Variants in MOSMO observed in about 807,000 individuals in gnomAD.
The protein encoded by MOSMO is modulator of smoothened, also known as modulator of smoothened protein.
MOSMO carries 5 observed loss-of-function variants against 18.4 expected under a neutral mutation model. The observed-to-expected ratio is 0.27, with a 90% confidence interval of 0.14 to 0.57. MOSMO has a LOEUF of 0.57. MOSMO is among the 20% of genes least tolerant of loss of function. The probability of loss-of-function intolerance (pLI) is 0.92; values close to 1 mark genes in which losing one functional copy is unlikely to be tolerated. For synonymous variants in MOSMO, 82 were observed against 82.3 expected, an observed-to-expected ratio of 1.00 and a Z score of 0.02; for missense variants, 138 against 211.8, an observed-to-expected ratio of 0.65 and a Z score of 2.16.
At chr16:22,019,278 CT>C (rs913226913) in intron 1 of MOSMO, among the ~76,000 whole-genome samples, 1 of 152,196 alleles carries the variant, frequency 6.6e-6, no homozygotes, top group African/African-American at 2.4e-5. Context: ...TCTAGCCCCT[CT>C]GTATTACTTT....
chr16:22,029,327 G>A lies in MOSMO; in HGVS notation c.106+20920G>A, dbSNP rs529760789. Reference sequence around the variant, plus strand: ...ATAGGGTTGCCTGTAGTTATTTCTTGAGTTGCCATTTAGAGTCTTCTGGCC... The same window carrying A: ...ATAGGGTTGCCTGTAGTTATTTCTTAAGTTGCCATTTAGAGTCTTCTGGCC... On this transcript the variant is annotated intron_variant, in intron 1 of 2. Transcript: ENST00000542527. Among the ~76,000 whole-genome samples, 6 of 152,266 alleles carry A rather than the reference G, an allele frequency of 3.9e-5. No homozygotes were observed. The South Asian group carries it at 1.2e-3, about 32-fold the overall frequency.
chr16:22,012,477 G>A (rs1008905188), intron 1 of MOSMO, among the ~76,000 whole-genome samples: 1 of 152,172 alleles, frequency 6.6e-6, no homozygotes, highest in Non-Finnish European at 1.5e-5. Flanking sequence ...TTATATTGCT[G>A]TTCTAGTTTA....
intron 1 of MOSMO, among the ~76,000 whole-genome samples, chr16:22,036,468 G>A (rs1900111276): frequency 6.6e-6 from 1 of 152,006 alleles, no homozygotes; most frequent in Admixed American, 6.6e-5. Context: ...TTTTTTTAGA[G>A]GCAGGGTCCT....
intron 1 of MOSMO, among the ~76,000 whole-genome samples, chr16:22,013,654 A>G (rs1899578538): frequency 1.3e-5 from 2 of 152,088 alleles, no homozygotes; most frequent in Admixed American, 6.6e-5. Context: ...TAATCATCCT[A>G]GATAGATTTG....
At chr16:22,062,316 CTT>C (rs987903159) in intron 1 of MOSMO, among the ~76,000 whole-genome samples, 1 of 151,094 alleles carries the variant, frequency 6.6e-6, no homozygotes, top group African/African-American at 2.4e-5. Context: ...TCTTTTTTTT[CTT>C]TTCTTATATT....
intron 2 of MOSMO, among the ~76,000 whole-genome samples, chr16:22,080,205 A>AC (rs1475765907): frequency 1.3e-5 from 2 of 152,218 alleles, no homozygotes; most frequent in African/African-American, 4.8e-5. Flanking sequence ...AACTATTGTG[A>AC]TAATGGTATG....
At chr16:22,075,802 A>G (rs1255769623) in intron 2 of MOSMO, 103 bp downstream of exon 2, 17 of 800,066 alleles carry the variant, frequency 2.1e-5, no homozygotes, top group Non-Finnish European at 3.0e-5. Context: ...CATAATCATC[A>G]AAGAGCACCA....
chr16:22,020,003 C>T (rs552301559), intron 1 of MOSMO, among the ~76,000 whole-genome samples: 2 of 151,808 alleles, frequency 1.3e-5, no homozygotes, highest in Admixed American at 6.6e-5. Flanking sequence ...CAGCTGAGGT[C>T]GGGAGTTCAA....
chr16:22,091,457 C>T (rs1384677294), downstream of MOSMO, among the ~76,000 whole-genome samples: 3 of 152,160 alleles, frequency 2.0e-5, no homozygotes, highest in South Asian at 2.1e-4. Context: ...GATCATAGCT[C>T]GCTGTAGCCT....
downstream of MOSMO, among the ~76,000 whole-genome samples, chr16:22,089,838 G>A (rs1901261418): frequency 6.6e-6 from 1 of 151,940 alleles, no homozygotes; most frequent in East Asian, 1.9e-4. Context: ...CCAAAGTATT[G>A]CCACCAAACA....
intron 1 of MOSMO, among the ~76,000 whole-genome samples, chr16:22,019,744 G>T (rs1489764320): frequency 1.3e-5 from 2 of 152,152 alleles, no homozygotes; most frequent in Non-Finnish European, 2.9e-5. Flanking sequence ...AGTTGATTTA[G>T]ACATGTTCTG....
Position 22,036,289 on chromosome 16 carries a change from G to T in MOSMO, c.106+27882G>T, listed in dbSNP as rs558011225. ...CCATAGGTGCACACCACCATGCCTG[G>T]CTAATTTTTGTATTTTTGTGGAGAC... On this transcript the variant is annotated intron_variant, in intron 1 of 2. Transcript: ENST00000542527. Among the ~76,000 whole-genome samples, 8 of 152,008 alleles carry T rather than the reference G, an allele frequency of 5.3e-5. 1 individual carries two copies. In the East Asian group the frequency reaches 1.6e-3, roughly 29 times the overall value.
intron 1 of MOSMO, among the ~76,000 whole-genome samples, chr16:22,050,297 G>T (rs1400415728): frequency 6.6e-6 from 1 of 152,144 alleles, no homozygotes; most frequent in East Asian, 1.9e-4. Flanking sequence ...AAAAAAAATA[G>T]TTCCAATGTT....
At chr16:22,064,510 G>T in intron 1 of MOSMO, 1 of 435,320 alleles carries the variant, frequency 2.3e-6, no homozygotes, top group Admixed American at 2.4e-5. Context: ...AATAGAAAAT[G>T]CAGACATTGT....
At chr16:22,028,300 A>G (rs1458767847) in intron 1 of MOSMO, among the ~76,000 whole-genome samples, 1 of 151,968 alleles carries the variant, frequency 6.6e-6, no homozygotes. Context: ...TTGTTTTATT[A>G]TAATCATTTC....
At chr16:22,086,351 C>A (rs1181638131), downstream of MOSMO, among the ~76,000 whole-genome samples, 1 of 152,186 alleles carries the variant, frequency 6.6e-6, no homozygotes, top group Non-Finnish European at 1.5e-5. Flanking sequence ...CTCTCTCTCT[C>A]GTCACTTCTT....
Position 22,008,222 on chromosome 16 carries a change from C to T in MOSMO, c.-80C>T. 1.3e-6 allele frequency: 1 copy of T among 760,350 alleles called. No homozygotes were observed. Among genetic ancestry groups the T allele is most frequent in the Non-Finnish European group, 1.8e-6 (1 of 548,356 alleles). The allele number at this position is 760,350 out of a possible 1,614,324, so 47.1% of individuals were successfully genotyped here. A position where few individuals can be genotyped will look rare whatever the true frequency, so the allele number is the denominator to read the frequency against. ...GGCAGCGGCGCGGGGACTCCGGGCC[C>T]CGGCGGCGGCCCATGGGGCGGGAGG... On this transcript the variant is annotated 5_prime_UTR_variant, in exon 1 of 3. Transcript: ENST00000542527.
At position 22,083,811 on chromosome 16, in the gene MOSMO, A is replaced by C. The variant is rs2141792031; in HGVS notation, c.*2931A>C. On this transcript the variant is annotated 3_prime_UTR_variant, in exon 3 of 3. Transcript: ENST00000542527. ...TATTGAACATACCCAAACATCTGTA[A>C]ACATGAAAAATCTTCAATTTATTAA... 1 of 380,824 alleles carries C rather than the reference A, an allele frequency of 2.6e-6. No homozygotes were observed. The highest frequency in any genetic ancestry group is 5.1e-6 in the Non-Finnish European group (1 of 196,930). 23.6% of individuals were successfully genotyped at this position (380,824 alleles called of 1,614,324 possible).
intron 1 of MOSMO, among the ~76,000 whole-genome samples, chr16:22,016,495 G>A (rs1438518963): frequency 6.6e-6 from 1 of 152,120 alleles, no homozygotes; most frequent in African/African-American, 2.4e-5. Context: ...AACCCAGCTG[G>A]GTCCAATCTG....
Sources: gnomAD v4.1 joint callset for allele counts (sites outside exome capture counted in the v4.1 genomes callset) on GRCh38, gnomAD v4.1.1 for gene constraint, MANE v1.5 for transcripts, NCBI Gene and HGNC (gene_info 2026-07-23, HGNC 2026-07-21) for gene names.